SEPTIN11: variants seen among roughly 807,000 people sequenced by gnomAD.
SEPTIN11 encodes the protein septin-11.
SEPTIN11 carries 25 observed loss-of-function variants against 51.4 expected under a neutral mutation model. The ratio of observed to expected loss-of-function variants is 0.49; its 90% CI spans 0.35 to 0.68. SEPTIN11 has a LOEUF of 0.68. SEPTIN11 is among the 30% of genes least tolerant of loss of function. The pLI, the probability that SEPTIN11 is intolerant of heterozygous loss-of-function variation, is 0.00. For missense variants in SEPTIN11, 381 were observed against 520.8 expected, an observed-to-expected ratio of 0.73 and a Z score of 2.61; for synonymous variants, 174 against 184.1, an observed-to-expected ratio of 0.95 and a Z score of 0.44.
chr4:77,012,881 G>T (rs2645677), intron 4 of SEPTIN11, among the ~76,000 whole-genome samples: 413 of 152,308 alleles, frequency 2.7e-3, no homozygotes, highest in African/African-American at 9.5e-3. Context: ...TAATGGCCTG[G>T]AAGGATCACT....
chr4:77,023,697 C>T (rs901518974), intron 7 of SEPTIN11, among the ~76,000 whole-genome samples: 6 of 152,236 alleles, frequency 3.9e-5, no homozygotes, highest in South Asian at 2.1e-4. Flanking sequence ...TTTAAAAGGG[C>T]TCGGCCTTTC....
intron 5 of SEPTIN11, among the ~76,000 whole-genome samples, chr4:77,017,026 A>C (rs1366125986): frequency 6.6e-6 from 1 of 152,024 alleles, no homozygotes; most frequent in East Asian, 1.9e-4. Flanking sequence ...GGAGGTCTGT[A>C]CTTTTTTATA....
intron 4 of SEPTIN11, among the ~76,000 whole-genome samples, chr4:77,014,038 G>A (rs1449661072): frequency 1.3e-5 from 2 of 152,198 alleles, no homozygotes; most frequent in East Asian, 1.9e-4. Context: ...GTTGTGCTCT[G>A]GGGTATCCTT....
rs1722928359 is a variant in SEPTIN11 at position 76,984,602 on chromosome 4, C to T, written c.28-11823C>T. On this transcript the variant is annotated intron_variant, in intron 1 of 9. Transcript: ENST00000264893. This position sits in a 1 kb window ranked among gnomAD's most constrained non-coding sequence, Gnocchi z 4.1. ...GGAATAGATGTGTGAATATGAGTAG[C>T]ACAGGACATAAAAAGTTGAGGAAAA... Among the ~76,000 whole-genome samples, 1 of 152,138 alleles carries T rather than the reference C, an allele frequency of 6.6e-6. No homozygotes were observed. Among genetic ancestry groups the T allele is most frequent in the South Asian group, 2.1e-4 (1 of 4,820 alleles).
chr4:77,033,618 G>A (rs948074309), intron 9 of SEPTIN11, among the ~76,000 whole-genome samples: 2 of 152,174 alleles, frequency 1.3e-5, no homozygotes, highest in African/African-American at 4.8e-5. Flanking sequence ...TTCCTTGTTT[G>A]CGGCTATACC....
chr4:77,038,794 T>C (rs760400071), downstream of SEPTIN11, among the ~76,000 whole-genome samples: 21 of 152,160 alleles, frequency 1.4e-4, no homozygotes, highest in Non-Finnish European at 2.2e-4. Context: ...CCATGTGGTG[T>C]CCTGTACTTC....
intron 1 of SEPTIN11, among the ~76,000 whole-genome samples, chr4:76,983,726 G>A (rs528467934): frequency 6.6e-6 from 1 of 152,170 alleles, no homozygotes; most frequent in East Asian, 1.9e-4. Flanking sequence ...AGAACTCTTA[G>A]AGGCCAGGTG....
Position 77,005,762 on chromosome 4 carries a change from G to A in SEPTIN11, c.304G>A (p.Val102Met), listed in dbSNP as rs778803150. 3.7e-6 allele frequency: 6 copies of A among 1,613,754 alleles called. No individual in the cohort carries two copies. Among genetic ancestry groups the A allele is most frequent in the East Asian group, 2.2e-5 (1 of 44,860 alleles). The change falls in exon 3 of 10, where the codon GTG becomes ATG. Residue 102 changes from valine to methionine, a missense_variant. By Grantham distance (21) the Val-to-Met change is conservative. Coordinates refer to ENST00000264893, the MANE Select transcript of SEPTIN11 (RefSeq NM_018243.4). ...GCTGAAGTTAACCATTGTTGACACC[G>A]TGGGATTTGGAGACCAGATAAATAA... ...VRLKLTIVDT[V>M]GFGDQINKDD...
intron 7 of SEPTIN11, chr4:77,020,988 C>A (rs1725676848): frequency 8.6e-6 from 2 of 233,164 alleles, no homozygotes; most frequent in South Asian, 2.1e-4. Context: ...GGTCCTGAGC[C>A]CAGGTTTCTG....
chr4:77,034,450 A>G lies in SEPTIN11; in HGVS notation c.1275-47A>G, dbSNP rs189801208. On this transcript the variant is annotated intron_variant, in intron 9 of 9. Coordinates refer to ENST00000264893, the MANE Select transcript of SEPTIN11 (RefSeq NM_018243.4). Reference sequence around the variant, plus strand: ...TCGCTCCTAATTTTCCTTTCTTTTTAATTTATTATTATTTCTAACTTTTTT... The same window carrying G: ...TCGCTCCTAATTTTCCTTTCTTTTTGATTTATTATTATTTCTAACTTTTTT... 7.0e-5 allele frequency: 101 copies of G among 1,444,420 alleles called. No homozygotes were observed. The East Asian group carries it at 2.5e-3, about 36-fold the overall frequency. The allele number at this position is 1,444,420 out of a possible 1,614,324, so 89.5% of individuals were successfully genotyped here. A position where few individuals can be genotyped will look rare whatever the true frequency, so the allele number is the denominator to read the frequency against.
chr4:76,987,871 G>T, intron 1 of SEPTIN11: 13 of 964,000 alleles, frequency 1.3e-5, no homozygotes, highest in African/African-American at 1.8e-5. Flanking sequence ...AGATGAAGGG[G>T]TATGTACTTC....
intron 1 of SEPTIN11, chr4:76,959,152 C>A: frequency 1.9e-6 from 1 of 524,504 alleles, no homozygotes; most frequent in South Asian, 1.8e-5. Flanking sequence ...CAACCTTGCT[C>A]TTGATCGTTT....
At position 77,034,558 on chromosome 4, in the gene SEPTIN11, T is replaced by C. The variant is rs780301381; in HGVS notation, c.*46T>C. 3.7e-5 allele frequency: 56 copies of C among 1,524,022 alleles called. No individual in the cohort carries two copies. Among genetic ancestry groups the C allele is most frequent in the Non-Finnish European group, 4.8e-5 (55 of 1,141,004 alleles). The allele number at this position is 1,524,022 out of a possible 1,614,324, so 94.4% of individuals were successfully genotyped here. A position where few individuals can be genotyped will look rare whatever the true frequency, so the allele number is the denominator to read the frequency against. Reference sequence around the variant, plus strand: ...TTCCCGCATTCACCTGCTTTTGCAGTAATATCGTATCTCTGCCATGTGTGT... The same window carrying C: ...TTCCCGCATTCACCTGCTTTTGCAGCAATATCGTATCTCTGCCATGTGTGT... On this transcript the variant is annotated 3_prime_UTR_variant, in exon 10 of 10. Coordinates refer to ENST00000264893, the MANE Select transcript of SEPTIN11 (RefSeq NM_018243.4).
intron 1 of SEPTIN11, among the ~76,000 whole-genome samples, chr4:76,960,031 C>T (rs1172932459): frequency 1.3e-5 from 2 of 152,090 alleles, no homozygotes; most frequent in Admixed American, 6.6e-5. Context: ...TTTAAATGTA[C>T]CCCAAGAGTT....
rs28670872 is a variant in SEPTIN11 at position 76,978,808 on chromosome 4, C to A, written c.28-17617C>A. On this transcript the variant is annotated intron_variant, in intron 1 of 9. Transcript: ENST00000264893. Reference sequence around the variant, plus strand: ...CTACAACGTTTGACCTCTTCACTACCGTGTCTCTCCCTCCCTGCAGTTGAT... The same window carrying A: ...CTACAACGTTTGACCTCTTCACTACAGTGTCTCTCCCTCCCTGCAGTTGAT... Among the ~76,000 whole-genome samples, 5 of 152,298 alleles carry A rather than the reference C, an allele frequency of 3.3e-5. No individual in the cohort carries two copies. The East Asian group carries it at 5.8e-4, about 18-fold the overall frequency.
rs771456197 is a variant in SEPTIN11, at chr4:77,020,712, C to T, written c.953+42C>T. 41 of 1,575,700 alleles carry T rather than the reference C, an allele frequency of 2.6e-5. No individual in the cohort carries two copies. The highest frequency in any genetic ancestry group is 2.4e-4 in the Admixed American group (14 of 57,328). ...CAATCAGGTGTCTCCCAGACAGTGG[C>T]GAGAGTGGCATGGTGGTACATCACA... is the stretch of plus-strand genomic sequence containing the variant. On this transcript the variant is annotated intron_variant, in intron 7 of 9. Coordinates refer to ENST00000264893, the MANE Select transcript of SEPTIN11 (RefSeq NM_018243.4).
chr4:77,012,510 AGAC>A (rs1228715690), intron 4 of SEPTIN11, among the ~76,000 whole-genome samples: 1 of 152,236 alleles, frequency 6.6e-6, no homozygotes, highest in Non-Finnish European at 1.5e-5. Context: ...AATAAATAGA[AGAC>A]AATACATTCT....
chr4:76,982,297 G>T (rs184196719), intron 1 of SEPTIN11, among the ~76,000 whole-genome samples: 2 of 151,112 alleles, frequency 1.3e-5, no homozygotes, highest in Non-Finnish European at 2.9e-5. Flanking sequence ...TGTAACCTCC[G>T]CCTCCTGGGT....
At chr4:76,952,030 G>C (rs1344007933) in intron 1 of SEPTIN11, among the ~76,000 whole-genome samples, 1 of 152,214 alleles carries the variant, frequency 6.6e-6, no homozygotes, top group Non-Finnish European at 1.5e-5. Context: ...CGAGTGATTA[G>C]GAATTGACTA....
Sources: allele counts gnomAD v4.1 joint callset (sites outside exome capture counted in the v4.1 genomes callset), GRCh38; gene constraint gnomAD v4.1.1; non-coding constraint Gnocchi (gnomAD v3.1); transcripts MANE v1.5; gene names NCBI Gene and HGNC (gene_info 2026-07-23, HGNC 2026-07-21).